The following TRPM3 variants were observed in gnomAD, a reference collection of about 807,000 sequenced individuals.
TRPM3 encodes the protein long transient receptor potential channel 3.
A neutral mutation model predicts 181.2 loss-of-function variants in TRPM3; 77 were observed. That is an observed-to-expected ratio of 0.42 (90% confidence interval 0.35 to 0.51). The LOEUF is 0.51. Among genes scored for constraint, TRPM3 ranks in the 20% least tolerant of loss-of-function variants. TRPM3 has a pLI of 0.01. For synonymous variants in TRPM3, 745 were observed against 796.4 expected (o/e 0.94, Z 1.09); for missense variants, 1,759 against 2,196.7 (o/e 0.80, Z 3.98).
chr9:71,202,053 G>A (rs1201071752), intron 1 of TRPM3, among the ~76,000 whole-genome samples: 1 of 152,174 alleles, frequency 6.6e-6, no homozygotes, highest in African/African-American at 2.4e-5. Flanking sequence ...TAACAGACAG[G>A]ACCCTCAGCT....
At position 70,532,816 on chromosome 9, in the gene TRPM3, A is replaced by G. The variant is rs1309928193; in HGVS notation, c.*3137T>C. 6.6e-6 allele frequency: 1 copy of G among 152,210 alleles called. No individual in the cohort carries two copies. The highest frequency in any genetic ancestry group is 2.4e-5 in the African/African-American group (1 of 41,462). The allele number at this position is 152,210 out of a possible 1,614,324, so 9.4% of individuals were successfully genotyped here. A position where few individuals can be genotyped will look rare whatever the true frequency, so the allele number is the denominator to read the frequency against. On this transcript the variant is annotated 3_prime_UTR_variant, in exon 26 of 26. Transcript: ENST00000677713. ...CTCATAAACTGCTTAATTCACAAAG[A>G]CAGGTAATTAACGTCCCCTCGATCA...
intron 9 of TRPM3, 137 bp downstream of exon 9, chr9:70,681,369 A>C (rs1354576974): frequency 1.5e-6 from 1 of 681,400 alleles, no homozygotes; most frequent in African/African-American, 1.8e-5. Context: ...ACTGTCTTAC[A>C]GGAGAGACCC....
At chr9:70,620,795 T>C (rs2133204698) in intron 15 of TRPM3, among the ~76,000 whole-genome samples, 1 of 152,176 alleles carries the variant, frequency 6.6e-6, no homozygotes, top group East Asian at 1.9e-4. Flanking sequence ...ATCTCAAGTT[T>C]CTGAATACCT....
rs1011543774 is a variant in TRPM3, at chr9:70,620,261, G to A, written c.1944C>T (p.Phe648=). The A allele has an allele frequency of 1.2e-6, 2 of 1,614,238 alleles. No individual in the cohort carries two copies. The highest frequency in any genetic ancestry group is 1.3e-5 in the African/African-American group (1 of 75,054). The change falls in exon 16 of 26, where the codon TTC becomes TTT. Residue 648 remains phenylalanine, a synonymous_variant. Coordinates refer to ENST00000677713, the MANE Select transcript of TRPM3 (RefSeq NM_001366145.2). ...GAACAGCCCACACCATGAGCTCATG[G>A]AAAGGGAAGGGGAAGTGGTTGATCT... The part of the protein sequence containing the change: ...DPEINHFPFP[F]HELMVWAVLM...
chr9:71,132,228 T>C (rs2074416250), intron 1 of TRPM3, among the ~76,000 whole-genome samples: 1 of 152,212 alleles, frequency 6.6e-6, no homozygotes, highest in Non-Finnish European at 1.5e-5. Context: ...AATCCGAGAA[T>C]ATAGGTGACT....
At position 70,864,425 on chromosome 9, in the gene TRPM3, A is replaced by T; in HGVS notation, c.257+7T>A. On this transcript the variant is annotated splice_region_variant and intron_variant, in intron 2 of 25. Coordinates refer to ENST00000677713, the MANE Select transcript of TRPM3 (RefSeq NM_001366145.2). ...CATGTTCTCAACATTATAGACAGCA[A>T]GATTACCTATGGGGGTCTTTGGTGC... The T allele has an allele frequency of 6.8e-7, 1 of 1,478,320 alleles. No homozygotes were observed. The highest frequency in any genetic ancestry group is 1.6e-5 in the South Asian group (1 of 63,972). The allele number at this position is 1,478,320 out of a possible 1,614,324, so 91.6% of individuals were successfully genotyped here.
intron 1 of TRPM3, among the ~76,000 whole-genome samples, chr9:70,900,423 A>G (rs1434445896): frequency 6.6e-6 from 1 of 152,194 alleles, no homozygotes; most frequent in African/African-American, 2.4e-5. Context: ...AATTGTAGTG[A>G]CATTTGGAAT....
At chr9:71,275,083 A>T (rs1355439798) in intron 1 of TRPM3, among the ~76,000 whole-genome samples, 1 of 152,198 alleles carries the variant, frequency 6.6e-6, no homozygotes, top group Non-Finnish European at 1.5e-5. Context: ...AAATAAAAGC[A>T]TAAGAATTAC....
chr9:70,529,240 T>G lies in TRPM3; in HGVS notation c.*6713A>C, dbSNP rs374105756. 4.7e-4 allele frequency: 72 copies of G among 152,278 alleles called. 1 individual carries two copies. The East Asian group carries it at 0.012, about 26-fold the overall frequency. The allele number at this position is 152,278 out of a possible 1,614,324, so 9.4% of individuals were successfully genotyped here. ...TAAAAAAGAACAATTCTTCTAAGGA[T>G]TTATATATATTTATAGTGTCGATAG... On this transcript the variant is annotated 3_prime_UTR_variant, in exon 26 of 26. Coordinates refer to ENST00000677713, the MANE Select transcript of TRPM3 (RefSeq NM_001366145.2).
intron 1 of TRPM3, among the ~76,000 whole-genome samples, chr9:71,197,476 C>T (rs1163599082): frequency 2.6e-5 from 4 of 152,032 alleles, no homozygotes; most frequent in Non-Finnish European, 5.9e-5. Flanking sequence ...AACTAGTTTA[C>T]AGTCCCACCA....
At chr9:71,204,790 A>G (rs2079023684) in intron 1 of TRPM3, among the ~76,000 whole-genome samples, 1 of 152,076 alleles carries the variant, frequency 6.6e-6, no homozygotes, top group South Asian at 2.1e-4. Context: ...ACTATTCACA[A>G]TAGCAAAGAC....
At chr9:70,767,319 C>T (rs1284243152) in intron 7 of TRPM3, among the ~76,000 whole-genome samples, 1 of 152,184 alleles carries the variant, frequency 6.6e-6, no homozygotes, top group Non-Finnish European at 1.5e-5. Context: ...CAGACATCTG[C>T]TTGCTCATTC....
At chr9:70,681,384 G>T in intron 9 of TRPM3, 122 bp downstream of exon 9, 1 of 802,348 alleles carries the variant, frequency 1.2e-6, no homozygotes, top group Non-Finnish European at 2.0e-6. Flanking sequence ...AGACCCCTAT[G>T]TTATCAATAA....
intron 2 of TRPM3, 137 bp from the exon 3 acceptor site, chr9:70,863,249 C>T: frequency 1.5e-6 from 1 of 679,384 alleles, no homozygotes; most frequent in East Asian, 2.7e-5. Context: ...CACCATGTGG[C>T]TATATCAGGT....
chr9:71,123,541 C>T (rs1202280569), upstream of TRPM3, among the ~76,000 whole-genome samples: 2 of 152,216 alleles, frequency 1.3e-5, no homozygotes, highest in African/African-American at 4.8e-5. Context: ...TTCTGGGTAG[C>T]ATGTGCTGAT....
At chr9:70,993,664 C>A (rs2097511171) in intron 1 of TRPM3, among the ~76,000 whole-genome samples, 1 of 151,510 alleles carries the variant, frequency 6.6e-6, no homozygotes, top group Admixed American at 6.6e-5. Flanking sequence ...GTCTTTGACA[C>A]CAAGGGGGTG....
Position 70,609,904 on chromosome 9 carries a change from T to C in TRPM3, c.2667+705A>G, listed in dbSNP as rs558255884. ...GGAGATGACCTGGGCCAAAAGCTCA[T>C]CTTAAAAAAAAAAAAAATCACTGAA... On this transcript the variant is annotated intron_variant, in intron 19 of 25. Transcript: ENST00000677713. 2.9e-3 allele frequency among the ~76,000 whole-genome samples: 415 copies of C among 145,188 alleles called. 1 individual carries two copies. The highest frequency in any genetic ancestry group is 0.01 in the Middle Eastern group (3 of 286).
intron 8 of TRPM3, among the ~76,000 whole-genome samples, chr9:70,695,606 A>C (rs2070126932): frequency 6.6e-6 from 1 of 152,234 alleles, no homozygotes; most frequent in Non-Finnish European, 1.5e-5. Flanking sequence ...TTAGACACCT[A>C]GCCTCCGTGC....
At chr9:71,354,398 G>A (rs906752760) in intron 1 of TRPM3, among the ~76,000 whole-genome samples, 8 of 152,140 alleles carry the variant, frequency 5.3e-5, no homozygotes, top group Admixed American at 2.0e-4. Context: ...TTAGGTACAC[G>A]ACTCAAACCT....
Sources: gnomAD v4.1 joint callset for allele counts (sites outside exome capture counted in the v4.1 genomes callset) on GRCh38, gnomAD v4.1.1 for gene constraint, MANE v1.5 for transcripts, NCBI Gene and HGNC (gene_info 2026-07-23, HGNC 2026-07-21) for gene names.